Variants in A1CF observed in about 807,000 individuals in gnomAD.
The protein encoded by A1CF is APOBEC1 complementation factor.
Under a neutral mutation model 68.9 loss-of-function variants are expected in A1CF, and 48 were observed. The observed-to-expected ratio is 0.70, with a 90% confidence interval of 0.55 to 0.89. A1CF has a LOEUF of 0.89. A1CF is among the 40% of genes least tolerant of loss of function. A1CF has a pLI of 0.00. For missense variants in A1CF, 653 were observed against 718.9 expected (o/e 0.91, Z 1.05); for synonymous variants, 272 against 260.4 (o/e 1.04, Z -0.43).
chr10:50,814,852 T>G (rs2132332177), intron 9 of A1CF, among the ~76,000 whole-genome samples: 1 of 152,310 alleles, frequency 6.6e-6, no homozygotes, highest in East Asian at 1.9e-4. Context: ...TGAGGTGATT[T>G]TATATTCTAA....
intron 2 of A1CF, 132 bp from the exon 3 acceptor site, chr10:50,860,117 T>A: frequency 5.1e-6 from 3 of 588,584 alleles, no homozygotes; most frequent in Non-Finnish European, 9.0e-6. Context: ...AAGAGTTACA[T>A]ACAAACAAGG....
At chr10:50,843,870 A>C in intron 4 of A1CF, 118 bp downstream of exon 4, 1 of 1,214,300 alleles carries the variant, frequency 8.2e-7, no homozygotes, top group Non-Finnish European at 1.2e-6. Context: ...TAATTGAGGA[A>C]TGGTAATTGG....
intron 3 of A1CF, among the ~76,000 whole-genome samples, chr10:50,852,093 A>C (rs1016786850): frequency 6.6e-6 from 1 of 152,238 alleles, no homozygotes; most frequent in Non-Finnish European, 1.5e-5. Context: ...AGACCTGCTC[A>C]TGCTTCTGCA....
chr10:50,879,986 G>C (rs562543411), intron 1 of A1CF, among the ~76,000 whole-genome samples: 5 of 152,084 alleles, frequency 3.3e-5, no homozygotes. Context: ...CTATTAATTC[G>C]TCTCTCAGAA....
intron 6 of A1CF, among the ~76,000 whole-genome samples, chr10:50,831,115 T>G (rs1839216253): frequency 1.3e-5 from 2 of 152,028 alleles, no homozygotes; most frequent in African/African-American, 4.8e-5. Context: ...CAAGTTAAAA[T>G]GGAATAAAGA....
In A1CF at chr10:50,800,046, G is replaced by GTA. The variant is rs1281445576; in HGVS notation, c.*6681_*6682dup. ...AAATAAAATTTACATTTGTAAAAAGGTATATATACTTTATTGCAAAGAAAG... is the reference window on the plus strand; with the variant it reads ...AAATAAAATTTACATTTGTAAAAAGGTATATATATACTTTATTGCAAAGAAAG... On this transcript the variant is annotated 3_prime_UTR_variant, in exon 13 of 13. Transcript: ENST00000373997. 1 of 152,062 alleles carries GTA rather than the reference G, an allele frequency of 6.6e-6. No homozygotes were observed. The highest frequency in any genetic ancestry group is 1.5e-5 in the Non-Finnish European group (1 of 67,942). 9.4% of individuals were successfully genotyped at this position (152,062 alleles called of 1,614,324 possible). A position where few individuals can be genotyped will look rare whatever the true frequency, so the allele number is the denominator to read the frequency against.
At chr10:50,864,400 C>T (rs1376508580) in intron 1 of A1CF, among the ~76,000 whole-genome samples, 1 of 152,092 alleles carries the variant, frequency 6.6e-6, no homozygotes, top group Non-Finnish European at 1.5e-5. Flanking sequence ...AATTTCCTCC[C>T]CTTTCCCTTC....
intron 5 of A1CF, 96 bp downstream of exon 5, chr10:50,841,766 T>C: frequency 6.8e-7 from 1 of 1,475,092 alleles, no homozygotes; most frequent in Non-Finnish European, 9.1e-7. Flanking sequence ...GGCTTGGCTT[T>C]TTTTTTGGCA....
chr10:50,810,331 G>T (rs1032800473), intron 11 of A1CF, among the ~76,000 whole-genome samples: 1 of 152,258 alleles, frequency 6.6e-6, no homozygotes, highest in Middle Eastern at 3.4e-3. Flanking sequence ...ATATAGAAAT[G>T]CAGGCTCAAG....
chr10:50,875,785 A>G (rs1209608727), intron 1 of A1CF, among the ~76,000 whole-genome samples: 1 of 152,192 alleles, frequency 6.6e-6, no homozygotes, highest in Non-Finnish European at 1.5e-5. Flanking sequence ...CCCTCTAGGC[A>G]TGGCATATCT....
At chr10:50,832,007 G>C (rs1036820279) in intron 6 of A1CF, among the ~76,000 whole-genome samples, 1 of 152,050 alleles carries the variant, frequency 6.6e-6, no homozygotes, top group Admixed American at 6.6e-5. Flanking sequence ...CAGTATGCAG[G>C]TTCCTCAAAA....
At position 50,820,573 on chromosome 10, in the gene A1CF, A is replaced by G; in HGVS notation, c.846T>C (p.Ala282=). The G allele has an allele frequency of 6.2e-7, 1 of 1,613,448 alleles. No individual in the cohort carries two copies. Among genetic ancestry groups the G allele is most frequent in the Non-Finnish European group, 8.5e-7 (1 of 1,179,744 alleles). Residue 282 remains alanine (A), a synonymous_variant, in exon 8 of 13, where the codon GCT becomes GCC. Coordinates refer to ENST00000373997, the MANE Select transcript of A1CF (RefSeq NM_014576.4). ...HFSNREDAVE[A]MKALNGKVLD... is the part of the protein sequence containing the mutation. Reference sequence around the variant, plus strand: ...TTACCTTGCCATTTAAAGCTTTCATAGCCTCAACTGCATCTTCTCGGTTAC... The same window carrying G: ...TTACCTTGCCATTTAAAGCTTTCATGGCCTCAACTGCATCTTCTCGGTTAC...
intron 12 of A1CF, 130 bp downstream of exon 12, chr10:50,809,764 G>C: frequency 1.5e-6 from 2 of 1,351,216 alleles, no homozygotes; most frequent in Non-Finnish European, 2.0e-6. Context: ...AACTCTTTTT[G>C]GTCCCAAGGT....
chr10:50,855,137 A>C (rs1840419740), intron 3 of A1CF, among the ~76,000 whole-genome samples: 1 of 151,912 alleles, frequency 6.6e-6, no homozygotes, highest in Non-Finnish European at 1.5e-5. Context: ...TCTAGTTCTA[A>C]GGAGAAAATT....
chr10:50,876,871 C>T (rs930897098), intron 1 of A1CF, among the ~76,000 whole-genome samples: 1 of 152,146 alleles, frequency 6.6e-6, no homozygotes, highest in African/African-American at 2.4e-5. Context: ...TTGTTTTATG[C>T]ATTTATAAAT....
rs1194211141 is a variant in A1CF, at chr10:50,799,737, CA to C, written c.*6991del. On this transcript the variant is annotated 3_prime_UTR_variant, in exon 13 of 13. Transcript: ENST00000373997. ...AACTTCACATAAATAAAAATAATAA[CA>C]AAAAAGAAAAGAAGAAAGAGATTGT... 11 of 151,710 alleles carry C rather than the reference CA, an allele frequency of 7.3e-5. No individual in the cohort carries two copies. Among genetic ancestry groups the C allele is most frequent in the Admixed American group, 4.6e-4 (7 of 15,234 alleles). The allele number at this position is 151,710 out of a possible 1,614,324, so 9.4% of individuals were successfully genotyped here.
chr10:50,810,150 G>A, intron 11 of A1CF, 108 bp from the exon 12 acceptor site: 1 of 1,290,658 alleles, frequency 7.7e-7, no homozygotes, highest in Non-Finnish European at 1.1e-6. Context: ...GTGGTATTTT[G>A]AGTGGGTGTT....
intron 1 of A1CF, among the ~76,000 whole-genome samples, chr10:50,883,095 T>A (rs1287979321): frequency 6.6e-6 from 1 of 152,212 alleles, no homozygotes; most frequent in African/African-American, 2.4e-5. Flanking sequence ...TATTTGTGAT[T>A]AATCAAAATT....
At chr10:50,885,380 C>T (rs1025566921) in intron 1 of A1CF, among the ~76,000 whole-genome samples, 15 of 152,146 alleles carry the variant, frequency 9.9e-5, no homozygotes. Context: ...GCAGCTATCT[C>T]ATTTAGAGAT....
Sources: gnomAD v4.1 joint callset for allele counts (sites outside exome capture counted in the v4.1 genomes callset) on GRCh38, gnomAD v4.1.1 for gene constraint, MANE v1.5 for transcripts, NCBI Gene and HGNC (gene_info 2026-07-23, HGNC 2026-07-21) for gene names.